The following JAKMIP1 variants were observed in gnomAD, a reference collection of about 807,000 sequenced individuals.
JAKMIP1 encodes janus kinase and microtubule interacting protein 1.
JAKMIP1 carries 33 observed loss-of-function variants against 113.0 expected under a neutral mutation model. The ratio of observed to expected loss-of-function variants is 0.29; its 90% confidence interval spans 0.22 to 0.39. The LOEUF (loss-of-function observed/expected upper bound fraction) is 0.39. Among genes scored for constraint, JAKMIP1 ranks in the 10% least tolerant of loss-of-function variants. The probability of loss-of-function intolerance (pLI) is 1.00; values close to 1 mark genes in which losing one functional copy is unlikely to be tolerated. For missense variants in JAKMIP1, 813 were observed against 1,080.5 expected (o/e 0.75, Z 3.47); for synonymous variants, 480 against 459.9 (o/e 1.04, Z -0.56).
chr4:6,101,254 CAG>C (rs1391528559), intron 3 of JAKMIP1, among the ~76,000 whole-genome samples: 1 of 151,870 alleles, frequency 6.6e-6, no homozygotes, highest in Non-Finnish European at 1.5e-5. Context: ...ACTCTATATA[CAG>C]AGAGTGTGTG....
intron 1 of JAKMIP1, among the ~76,000 whole-genome samples, chr4:6,114,235 T>C (rs1000375128): frequency 1.3e-5 from 2 of 152,090 alleles, no homozygotes; most frequent in Non-Finnish European, 2.9e-5. Flanking sequence ...GAGACAAAAT[T>C]GGCAAGGAAG....
rs1342128645 is a variant in JAKMIP1, at chr4:6,135,150, C to T, written c.-147-22153G>A. Among the ~76,000 whole-genome samples the T allele has an allele frequency of 6.6e-6, 1 of 152,166 alleles. No individual in the cohort carries two copies. Among genetic ancestry groups the T allele is most frequent in the Non-Finnish European group, 1.5e-5 (1 of 68,028 alleles). ...ATGGTATATGGGCTGACTCGTGTCCCTCCAAAATTCTTATGTTGAATCCCC... is the reference window on the plus strand; with the variant it reads ...ATGGTATATGGGCTGACTCGTGTCCTTCCAAAATTCTTATGTTGAATCCCC... On this transcript the variant is annotated intron_variant, in intron 1 of 20. Coordinates refer to ENST00000409021, the MANE Select transcript of JAKMIP1 (RefSeq NM_001099433.2). This position sits in a 1 kb window ranked among gnomAD's most constrained non-coding sequence, Gnocchi z 4.9.
chr4:6,049,736 A>C lies in JAKMIP1; in HGVS notation c.1962+83T>G, dbSNP rs1715428706. ...ATCTCTTACATCAGAGAGAAATTAAAAACAAAACAAAACAAAAGTCACACA... is the reference window on the plus strand; with the variant it reads ...ATCTCTTACATCAGAGAGAAATTAACAACAAAACAAAACAAAAGTCACACA... On this transcript the variant is annotated intron_variant, in intron 15 of 20. Transcript: ENST00000409021. The surrounding 1 kb of genome is among the most constrained non-coding windows in gnomAD (Gnocchi z 7.0). 1 of 1,050,390 alleles carries C rather than the reference A, an allele frequency of 9.5e-7. No individual in the cohort carries two copies. Among genetic ancestry groups the C allele is most frequent in the African/African-American group, 1.6e-5 (1 of 63,360 alleles). 65.1% of individuals were successfully genotyped at this position (1,050,390 alleles called of 1,614,324 possible).
At chr4:6,170,918 A>G (rs1560317797) in intron 1 of JAKMIP1, among the ~76,000 whole-genome samples, 1 of 145,964 alleles carries the variant, frequency 6.9e-6, no homozygotes, top group East Asian at 2.1e-4. Flanking sequence ...CACCGCCACC[A>G]CCTTTCTTAC....
In JAKMIP1 at chr4:6,094,094, A is replaced by T. The variant is rs1434718745; in HGVS notation, c.625-8465T>A. Among the ~76,000 whole-genome samples the T allele has an allele frequency of 6.6e-6, 1 of 152,136 alleles. No individual in the cohort carries two copies. The highest frequency in any genetic ancestry group is 1.5e-5 in the Non-Finnish European group (1 of 68,028). On this transcript the variant is annotated intron_variant, in intron 3 of 20. Transcript: ENST00000409021. The surrounding 1 kb of genome is among the most constrained non-coding windows in gnomAD (Gnocchi z 4.2). ...GCCATGGCCCCCCAGGACTCCCCCG[A>T]GAGGCTGGCCCAGCAGGCATCTATA...
chr4:6,158,849 G>A lies in JAKMIP1; in HGVS notation c.-148+41404C>T, dbSNP rs114313952. Among the ~76,000 whole-genome samples, 993 of 152,262 alleles carry A rather than the reference G, an allele frequency of 6.5e-3. 13 individuals are homozygous for A. The highest frequency in any genetic ancestry group is 0.022 in the African/African-American group (934 of 41,534). On this transcript the variant is annotated intron_variant, in intron 1 of 20. Coordinates refer to ENST00000409021, the MANE Select transcript of JAKMIP1 (RefSeq NM_001099433.2). The surrounding 1 kb of genome is among the most constrained non-coding windows in gnomAD (Gnocchi z 5.3). The stretch of plus-strand genomic sequence containing the variant: ...CACACCTGTAATCTCATCACTTTGG[G>A]AGTTTGAAGCAGGAGGATCGCTTGA...
rs1172335138 is a variant in JAKMIP1, at chr4:6,188,806, C to T, written c.-148+11447G>A. On this transcript the variant is annotated intron_variant, in intron 1 of 20. Coordinates refer to ENST00000409021, the MANE Select transcript of JAKMIP1 (RefSeq NM_001099433.2). This position sits in a 1 kb window ranked among gnomAD's most constrained non-coding sequence, Gnocchi z 5.8. Reference sequence around the variant, plus strand: ...GGGCTCTGCAATACACAGGCTCTCACAGACTTGGTTCATCCTGGGTGCCTA... The same window carrying T: ...GGGCTCTGCAATACACAGGCTCTCATAGACTTGGTTCATCCTGGGTGCCTA... Among the ~76,000 whole-genome samples the T allele has an allele frequency of 1.3e-5, 2 of 152,206 alleles. No homozygotes were observed. The highest frequency in any genetic ancestry group is 2.9e-5 in the Non-Finnish European group (2 of 68,040).
Position 6,143,803 on chromosome 4 carries a change from A to G in JAKMIP1, c.-147-30806T>C, listed in dbSNP as rs1352155116. Among the ~76,000 whole-genome samples, 1 of 152,246 alleles carries G rather than the reference A, an allele frequency of 6.6e-6. No homozygotes were observed. The highest frequency in any genetic ancestry group is 1.5e-5 in the Non-Finnish European group (1 of 68,046). Reference sequence around the variant, plus strand: ...GAACAGTTTTTTATTTAAATAGAGAAGAAAAAAGAACAATTTCTGGTCATC... The same window carrying G: ...GAACAGTTTTTTATTTAAATAGAGAGGAAAAAAGAACAATTTCTGGTCATC... On this transcript the variant is annotated intron_variant, in intron 1 of 20. Transcript: ENST00000409021. The surrounding 1 kb of genome is among the most constrained non-coding windows in gnomAD (Gnocchi z 4.9).
At chr4:6,027,987 C>T (rs576386521) in intron 20 of JAKMIP1, among the ~76,000 whole-genome samples, 20 of 152,300 alleles carry the variant, frequency 1.3e-4, no homozygotes, top group Non-Finnish European at 1.9e-4. Flanking sequence ...CCCTGGGCTG[C>T]GAACTTTCAT....
intron 1 of JAKMIP1, among the ~76,000 whole-genome samples, chr4:6,169,602 ATTGTGTGTGTGTGTGTGTGTGTGTG>A (rs1173392672): frequency 4.3e-5 from 3 of 70,548 alleles, no homozygotes; most frequent in African/African-American, 1.1e-4. Context: ...GCCCTAGGAA[ATTGTGTGTGTGTGTGTGTGTGTGTG>A]TGTGTGTGTG....
Position 6,050,510 on chromosome 4 carries a change from G to A in JAKMIP1, c.1908+68C>T. 1.9e-6 allele frequency: 2 copies of A among 1,070,194 alleles called. No individual in the cohort carries two copies. The highest frequency in any genetic ancestry group is 1.4e-5 in the South Asian group (1 of 71,436). The allele number at this position is 1,070,194 out of a possible 1,614,324, so 66.3% of individuals were successfully genotyped here. On this transcript the variant is annotated intron_variant, in intron 14 of 20. Coordinates refer to ENST00000409021, the MANE Select transcript of JAKMIP1 (RefSeq NM_001099433.2). This position sits in a 1 kb window ranked among gnomAD's most constrained non-coding sequence, Gnocchi z 7.4. ...AATTCTATCCCAGCACTCCCCCTTTGCAGCTGAGCCGGGCACTGAGCGAGC... is the reference window on the plus strand; with the variant it reads ...AATTCTATCCCAGCACTCCCCCTTTACAGCTGAGCCGGGCACTGAGCGAGC...
At chr4:6,033,037 A>C (rs79877737) in intron 19 of JAKMIP1, among the ~76,000 whole-genome samples, 1,619 of 152,344 alleles carry the variant, frequency 0.011, 17 homozygotes, top group Middle Eastern at 0.037. Flanking sequence ...AAGTGAATTT[A>C]CACCAGTGGC....
At chr4:6,130,014 A>T (rs921763926) in intron 1 of JAKMIP1, among the ~76,000 whole-genome samples, 3 of 152,038 alleles carry the variant, frequency 2.0e-5, no homozygotes, top group African/African-American at 7.3e-5. Flanking sequence ...AATTTGGAAG[A>T]CTCTGGGACA....
intron 20 of JAKMIP1, among the ~76,000 whole-genome samples, chr4:6,027,542 C>T (rs1404246761): frequency 1.3e-5 from 2 of 152,164 alleles, no homozygotes; most frequent in East Asian, 1.9e-4. Context: ...CGGTCACAGG[C>T]CCCGATGCCT....
chr4:6,173,912 C>G (rs1443148179), intron 1 of JAKMIP1, among the ~76,000 whole-genome samples: 1 of 151,876 alleles, frequency 6.6e-6, no homozygotes, highest in African/African-American at 2.4e-5. Flanking sequence ...CTCATCTCTA[C>G]TAAAAATACA....
intron 13 of JAKMIP1, among the ~76,000 whole-genome samples, chr4:6,052,249 T>G (rs182824104): frequency 2.0e-5 from 3 of 152,158 alleles, no homozygotes; most frequent in Admixed American, 2.0e-4. Flanking sequence ...AAAACAAATT[T>G]CATGATGGTT....
At position 6,153,461 on chromosome 4, in the gene JAKMIP1, G is replaced by A. The variant is rs1039747473; in HGVS notation, c.-147-40464C>T. On this transcript the variant is annotated intron_variant, in intron 1 of 20. Coordinates refer to ENST00000409021, the MANE Select transcript of JAKMIP1 (RefSeq NM_001099433.2). This position sits in a 1 kb window ranked among gnomAD's most constrained non-coding sequence, Gnocchi z 4.9. The stretch of plus-strand genomic sequence containing the variant: ...TTGAAAAATGAGCACTGGAGCCAAC[G>A]GTGTTTCCCAAACCTCAGTCATCAG... 1.3e-5 allele frequency among the ~76,000 whole-genome samples: 2 copies of A among 152,158 alleles called. No homozygotes were observed. The highest frequency in any genetic ancestry group is 4.8e-5 in the African/African-American group (2 of 41,440).
rs71984154 is a variant in JAKMIP1, at chr4:6,139,055, AACACACACAC to A, written c.-147-26068_-147-26059del. ...ATTGTTTGCATGTGACATCATTAGA[AACACACACAC>A]ACACACACACACACACACATATACA... On this transcript the variant is annotated intron_variant, in intron 1 of 20. Transcript: ENST00000409021. The surrounding 1 kb of genome is among the most constrained non-coding windows in gnomAD (Gnocchi z 5.2). Among the ~76,000 whole-genome samples the A allele has an allele frequency of 2.9e-3, 298 of 103,488 alleles. 1 individual carries two copies. The highest frequency in any genetic ancestry group is 8.0e-3 in the African/African-American group (275 of 34,574). The allele number at this position is 103,488 out of a possible 152,430, so 67.9% of individuals were successfully genotyped here.
intron 1 of JAKMIP1, among the ~76,000 whole-genome samples, chr4:6,174,055 T>C (rs4688971): frequency 0.92 from 139,530 of 152,284 alleles, 65,153 homozygotes; most frequent in East Asian, 1. Context: ...TCTGAAAATA[T>C]ATACATACAT....
Sources: allele counts gnomAD v4.1 joint callset (sites outside exome capture counted in the v4.1 genomes callset), GRCh38; gene constraint gnomAD v4.1.1; non-coding constraint Gnocchi (gnomAD v3.1); transcripts MANE v1.5; gene names NCBI Gene and HGNC (gene_info 2026-07-23, HGNC 2026-07-21).